CLPB: variants seen among roughly 807,000 people sequenced by gnomAD.
The protein encoded by CLPB is ClpB family mitochondrial disaggregase.
In CLPB, 40 loss-of-function variants were observed where a neutral mutation model predicts 78.4. The ratio of observed to expected loss-of-function variants is 0.51; its 90% CI spans 0.40 to 0.66. CLPB has a LOEUF of 0.66. Among genes scored for constraint, CLPB ranks in the 30% least tolerant of loss-of-function variants. The probability of loss-of-function intolerance (pLI) is 0.00; values close to 1 mark genes in which losing one functional copy is unlikely to be tolerated. For missense variants in CLPB, 780 were observed against 886.9 expected (o/e 0.88, Z 1.53); for synonymous variants, 333 against 348.0 (o/e 0.96, Z 0.48).
At chr11:72,406,578 T>C (rs1332928455) in intron 2 of CLPB, among the ~76,000 whole-genome samples, 2 of 152,188 alleles carry the variant, frequency 1.3e-5, no homozygotes, top group Non-Finnish European at 2.9e-5. Context: ...GACCCTACTA[T>C]CCTATCTCAC....
intron 11 of CLPB, among the ~76,000 whole-genome samples, chr11:72,297,638 TGTGTGTGTGTG>T (rs1008352606): frequency 3.2e-4 from 6 of 18,770 alleles, no homozygotes; most frequent in Admixed American, 2.4e-3. Context: ...GGGGACCAGG[TGTGTGTGTGTG>T]TGTGTGTGTG....
At chr11:72,349,949 G>A (rs1057101531) in intron 5 of CLPB, among the ~76,000 whole-genome samples, 1 of 152,204 alleles carries the variant, frequency 6.6e-6, no homozygotes, top group East Asian at 1.9e-4. Flanking sequence ...GCCGGATACC[G>A]GCCAGGCTCA....
At chr11:72,334,827 G>A (rs1180699386) in intron 5 of CLPB, among the ~76,000 whole-genome samples, 1 of 152,228 alleles carries the variant, frequency 6.6e-6, no homozygotes, top group Non-Finnish European at 1.5e-5. Flanking sequence ...AGCACCCCAG[G>A]CAGTGTGGTA....
chr11:72,400,890 G>C lies in CLPB; in HGVS notation c.542+2076C>G, dbSNP rs191372141. On this transcript the variant is annotated intron_variant, in intron 3 of 15. Transcript: ENST00000538039. Reference sequence around the variant, plus strand: ...CCATACATACTGCTCTGAAATCACTGATCATACTATACTATGTCTCCTTAC... The same window carrying C: ...CCATACATACTGCTCTGAAATCACTCATCATACTATACTATGTCTCCTTAC... Among the ~76,000 whole-genome samples the C allele has an allele frequency of 1.9e-4, 29 of 152,218 alleles. No individual in the cohort carries two copies. The East Asian group carries it at 5.2e-3, about 27-fold the overall frequency.
At chr11:72,413,135 C>T (rs1855926189) in intron 2 of CLPB, among the ~76,000 whole-genome samples, 1 of 151,856 alleles carries the variant, frequency 6.6e-6, no homozygotes, top group Non-Finnish European at 1.5e-5. Context: ...CTAAAAAATA[C>T]AAAATTAGCC....
chr11:72,349,225 C>T (rs1377049546), intron 5 of CLPB, among the ~76,000 whole-genome samples: 1 of 152,206 alleles, frequency 6.6e-6, no homozygotes, highest in African/African-American at 2.4e-5. Context: ...TGCTTGACAG[C>T]AAGGCAGAGT....
In CLPB at chr11:72,337,220, T is replaced by G. The variant is rs146125772; in HGVS notation, c.776-7416A>C. ...CTGGTCTTCTGATATCTTGAGCTTT[T>G]TCTATAAACCACACCACTGAGCCCT... On this transcript the variant is annotated intron_variant, in intron 5 of 15. Coordinates refer to ENST00000538039, the MANE Select transcript of CLPB (RefSeq NM_001258392.3). 1.1e-3 allele frequency: 425 copies of G among 398,234 alleles called. 1 individual carries two copies. Among genetic ancestry groups the G allele is most frequent in the African/African-American group, 8.0e-3 (388 of 48,752 alleles). 24.7% of individuals were successfully genotyped at this position (398,234 alleles called of 1,614,324 possible).
intron 5 of CLPB, among the ~76,000 whole-genome samples, chr11:72,350,918 G>T (rs374474222): frequency 6.6e-6 from 1 of 152,164 alleles, no homozygotes; most frequent in Non-Finnish European, 1.5e-5. Context: ...TTAGAGAGTT[G>T]TGCAACCATC....
intron 2 of CLPB, among the ~76,000 whole-genome samples, chr11:72,409,236 A>G (rs879411702): frequency 2.0e-5 from 3 of 152,020 alleles, no homozygotes; most frequent in Non-Finnish European, 4.4e-5. Flanking sequence ...GCAGTAGGTG[A>G]CCCCTATCTG....
At chr11:72,424,413 T>C (rs1856303499) in intron 2 of CLPB, among the ~76,000 whole-genome samples, 1 of 152,218 alleles carries the variant, frequency 6.6e-6, no homozygotes, top group South Asian at 2.1e-4. Context: ...GAACAATGTA[T>C]AGCCAAACAA....
chr11:72,353,703 C>T (rs953018460), intron 5 of CLPB, among the ~76,000 whole-genome samples: 2 of 152,156 alleles, frequency 1.3e-5, no homozygotes, highest in African/African-American at 4.8e-5. Context: ...ACAGGAAAGA[C>T]TTCAGAAGGA....
Position 72,292,572 on chromosome 11 carries a change from G to A in CLPB, c.*795C>T, listed in dbSNP as rs1195647100. 2 of 152,324 alleles carry A rather than the reference G, an allele frequency of 1.3e-5. No individual in the cohort carries two copies. Among genetic ancestry groups the A allele is most frequent in the African/African-American group, 2.4e-5 (1 of 41,440 alleles). 9.4% of individuals were successfully genotyped at this position (152,324 alleles called of 1,614,324 possible). ...ATCTCTCTTCCTACAGCTTCCTAAT[G>A]TCTGCGATGTTGGTCTTTTGAAGGA... On this transcript the variant is annotated 3_prime_UTR_variant, in exon 16 of 16. Transcript: ENST00000538039.
chr11:72,344,093 G>GAGGT (rs909085252), intron 5 of CLPB, among the ~76,000 whole-genome samples: 7 of 152,164 alleles, frequency 4.6e-5, no homozygotes, highest in Non-Finnish European at 2.9e-5. Context: ...GTTGTGCTGA[G>GAGGT]AGGTAGGGCT....
chr11:72,344,775 T>C (rs1230276604), intron 5 of CLPB, among the ~76,000 whole-genome samples: 1 of 152,126 alleles, frequency 6.6e-6, no homozygotes, highest in African/African-American at 2.4e-5. Flanking sequence ...AATATTTCTA[T>C]ATATCACAGA....
At chr11:72,397,012 C>G (rs1035927548) in intron 3 of CLPB, among the ~76,000 whole-genome samples, 2 of 152,182 alleles carry the variant, frequency 1.3e-5, no homozygotes, top group African/African-American at 4.8e-5. Context: ...ATGTAACCAG[C>G]ATGATAATCA....
chr11:72,341,001 C>T (rs7121282), intron 5 of CLPB, among the ~76,000 whole-genome samples: 49,909 of 151,952 alleles, frequency 0.33, 12,639 homozygotes, highest in African/African-American at 0.72. Context: ...TTTTTTGTAT[C>T]TTTAGTAGAG....
intron 4 of CLPB, among the ~76,000 whole-genome samples, chr11:72,360,502 C>T (rs779459578): frequency 2.6e-5 from 4 of 151,810 alleles, no homozygotes; most frequent in Non-Finnish European, 4.4e-5. Flanking sequence ...AGGGCAGTGG[C>T]GCGATCTGGC....
chr11:72,367,437 T>A (rs1950964758), intron 4 of CLPB, among the ~76,000 whole-genome samples: 1 of 152,190 alleles, frequency 6.6e-6, no homozygotes, highest in South Asian at 2.1e-4. Flanking sequence ...GTGCTGGGAT[T>A]ACAGGCATGA....
intron 6 of CLPB, among the ~76,000 whole-genome samples, chr11:72,318,772 C>A (rs550602320): frequency 6.6e-6 from 1 of 152,164 alleles, no homozygotes; most frequent in Admixed American, 6.5e-5. Flanking sequence ...AGCAATAATT[C>A]GGCGCCAATC....
Sources: allele counts gnomAD v4.1 joint callset (sites outside exome capture counted in the v4.1 genomes callset), GRCh38; gene constraint gnomAD v4.1.1; transcripts MANE v1.5; gene names NCBI Gene and HGNC (gene_info 2026-07-23, HGNC 2026-07-21).